The following ADGRV1 variants were observed in gnomAD, a reference collection of about 807,000 sequenced individuals.
ADGRV1 encodes adhesion G protein-coupled receptor V1, also known as G-protein coupled receptor 98.
ADGRV1 carries 359 observed loss-of-function variants against 596.2 expected under a neutral mutation model. The observed-to-expected ratio is 0.60, with a 90% CI of 0.55 to 0.66. The LOEUF (loss-of-function observed/expected upper bound fraction) is 0.66. Ranked by LOEUF, ADGRV1 falls within the 30% of genes least tolerant of loss-of-function variation. ADGRV1 has a pLI of 0.00. For synonymous variants in ADGRV1, 2,681 were observed against 2,679.2 expected (o/e 1.00, Z -0.02); for missense variants, 7,274 against 7,575.6 (o/e 0.96, Z 1.48).
At chr5:90,861,163 G>A (rs980896896) in intron 82 of ADGRV1, among the ~76,000 whole-genome samples, 1 of 151,854 alleles carries the variant, frequency 6.6e-6, no homozygotes, top group African/African-American at 2.4e-5. Flanking sequence ...AAAAAGAAAA[G>A]GCAAATTACT....
At chr5:90,881,458 A>T (rs753197425) in intron 83 of ADGRV1, among the ~76,000 whole-genome samples, 3 of 152,064 alleles carry the variant, frequency 2.0e-5, no homozygotes, top group Non-Finnish European at 4.4e-5. Context: ...ATTTAATAGG[A>T]TTTTCTGATC....
chr5:91,107,858 G>A (rs1157870641), intron 87 of ADGRV1, among the ~76,000 whole-genome samples: 1 of 152,132 alleles, frequency 6.6e-6, no homozygotes, highest in Non-Finnish European at 1.5e-5. Flanking sequence ...AGTTTATTGA[G>A]CTCTTATGGA....
At position 90,783,093 on chromosome 5, in the gene ADGRV1, C is replaced by G. The variant is rs776642140; in HGVS notation, c.13232-31C>G. ...CTTATAAGTTAGTTGCTCTGTCTGG[C>G]TTACCAATTAATTCCAAGTTCCCAT... On this transcript the variant is annotated intron_variant, in intron 65 of 89. Transcript: ENST00000405460. 6 of 1,585,460 alleles carry G rather than the reference C, an allele frequency of 3.8e-6. No homozygotes were observed. The African/African-American group carries it at 6.7e-5, about 18-fold the overall frequency.
chr5:91,102,113 T>C lies in ADGRV1; in HGVS notation c.18311-106T>C, dbSNP rs1378631445. 4 of 1,010,194 alleles carry C rather than the reference T, an allele frequency of 4.0e-6. No individual in the cohort carries two copies. In the East Asian group the frequency reaches 1.1e-4, roughly 27 times the overall value. 62.6% of individuals were successfully genotyped at this position (1,010,194 alleles called of 1,614,324 possible). ...GAATGGGATTTCCAAGGTTGTTCTC[T>C]CAAAATGGGCACTAGAATACCACAG... is the stretch of plus-strand genomic sequence containing the variant. On this transcript the variant is annotated intron_variant, in intron 86 of 89. Transcript: ENST00000405460.
chr5:90,659,499 C>T (rs930954550), intron 21 of ADGRV1, among the ~76,000 whole-genome samples: 1 of 152,090 alleles, frequency 6.6e-6, no homozygotes, highest in African/African-American at 2.4e-5. Flanking sequence ...CAAATCATGC[C>T]TGGGTAAAAG....
chr5:90,959,169 T>C (rs1344410292), intron 83 of ADGRV1, among the ~76,000 whole-genome samples: 1 of 152,110 alleles, frequency 6.6e-6, no homozygotes, highest in Non-Finnish European at 1.5e-5. Context: ...GATCAATATA[T>C]AAAAATAAAT....
intron 78 of ADGRV1, 95 bp downstream of exon 78, chr5:90,841,080 T>A: frequency 1.2e-6 from 1 of 815,882 alleles, no homozygotes; most frequent in Non-Finnish European, 1.8e-6. Context: ...TTAACATTGG[T>A]TATTATGAAA....
intron 85 of ADGRV1, among the ~76,000 whole-genome samples, chr5:91,015,409 C>T (rs1450666326): frequency 2.0e-5 from 3 of 151,914 alleles, no homozygotes; most frequent in African/African-American, 7.2e-5. Flanking sequence ...TTTGGTCCAA[C>T]TTTGAGTTCA....
chr5:90,850,292 T>A (rs969470184), intron 79 of ADGRV1, among the ~76,000 whole-genome samples: 3 of 152,180 alleles, frequency 2.0e-5, no homozygotes, highest in Non-Finnish European at 2.9e-5. Context: ...TTAATTTTGA[T>A]GAGTGAGTCC....
chr5:90,581,084 C>A (rs368664009), intron 1 of ADGRV1, among the ~76,000 whole-genome samples: 18 of 152,268 alleles, frequency 1.2e-4, no homozygotes, highest in African/African-American at 4.1e-4. Context: ...AGTTCTTGTG[C>A]CATGTTTTTC....
At position 90,705,492 on chromosome 5, in the gene ADGRV1, A is replaced by G; in HGVS notation, c.8479A>G (p.Asn2827Asp). 6.2e-7 allele frequency: 1 copy of G among 1,613,894 alleles called. No individual in the cohort carries two copies. The highest frequency in any genetic ancestry group is 8.5e-7 in the Non-Finnish European group (1 of 1,179,800). The change falls in exon 37 of 90, where the codon AAT (asparagine) becomes GAT (aspartate). Residue 2827 changes from asparagine (N) to aspartate (D), a missense_variant. By Grantham distance (23) the Asn-to-Asp change is conservative (BLOSUM62 1). Transcript: ENST00000405460. The stretch of plus-strand genomic sequence containing the variant: ...CAGTGATGAACCACATGGAGTTTTA[A>G]ATTTTGCTCTTTCATCAAGATTTGT... The part of the protein sequence containing the change: ...EASDEPHGVL[N>D]FALSSRFVLL...
chr5:90,712,939 TA>T (rs1322191434), intron 42 of ADGRV1, among the ~76,000 whole-genome samples: 4 of 152,266 alleles, frequency 2.6e-5, no homozygotes, highest in Admixed American at 2.6e-4. Flanking sequence ...ATATTGTTGC[TA>T]AGAGTCATCC....
At chr5:90,912,469 A>G (rs140432967) in intron 83 of ADGRV1, among the ~76,000 whole-genome samples, 97 of 152,252 alleles carry the variant, frequency 6.4e-4, no homozygotes, top group Non-Finnish European at 1.0e-3. Context: ...TTGGGATACA[A>G]ATGATCTTGT....
At chr5:90,943,151 A>G (rs905775480) in intron 83 of ADGRV1, among the ~76,000 whole-genome samples, 1 of 145,142 alleles carries the variant, frequency 6.9e-6, no homozygotes, top group Admixed American at 7.3e-5. Context: ...TTTTTTGTCC[A>G]CAATATCTGC....
chr5:90,996,064 A>C (rs1781387512), intron 85 of ADGRV1, among the ~76,000 whole-genome samples: 1 of 152,236 alleles, frequency 6.6e-6, no homozygotes, highest in Non-Finnish European at 1.5e-5. Context: ...CAGCCTGGCT[A>C]TGAGGTAGAA....
At chr5:91,028,955 T>C (rs1784261379) in intron 85 of ADGRV1, among the ~76,000 whole-genome samples, 1 of 152,044 alleles carries the variant, frequency 6.6e-6, no homozygotes, top group African/African-American at 2.4e-5. Context: ...CCAGGCTAGC[T>C]TGAACTCCCA....
chr5:90,629,587 T>A, intron 9 of ADGRV1, 48 bp downstream of exon 9: 1 of 1,254,250 alleles, frequency 8.0e-7, no homozygotes, highest in Non-Finnish European at 1.1e-6. Context: ...CCTTCAAGTG[T>A]ACTAACCTGT....
chr5:90,962,364 C>A (rs890121572), intron 83 of ADGRV1, among the ~76,000 whole-genome samples: 3 of 152,156 alleles, frequency 2.0e-5, no homozygotes, highest in African/African-American at 4.8e-5. Context: ...AACTGAGAAC[C>A]TTTGAAAAAT....
At chr5:90,777,597 CT>C (rs1758382899) in intron 61 of ADGRV1, among the ~76,000 whole-genome samples, 1 of 152,012 alleles carries the variant, frequency 6.6e-6, no homozygotes, top group Non-Finnish European at 1.5e-5. Context: ...TATTTTGTAC[CT>C]TGCGTGTTAA....
Sources: gnomAD v4.1 joint callset for allele counts (sites outside exome capture counted in the v4.1 genomes callset) on GRCh38, gnomAD v4.1.1 for gene constraint, MANE v1.5 for transcripts, NCBI Gene and HGNC (gene_info 2026-07-23, HGNC 2026-07-21) for gene names.